GALNT13: variants seen among roughly 807,000 people sequenced by gnomAD.
GALNT13 encodes polypeptide N-acetylgalactosaminyltransferase 13, also known as UDP-GalNAc:polypeptide N-acetylgalactosaminyltransferase 13.
Under a neutral mutation model 64.2 loss-of-function variants are expected in GALNT13, and 28 were observed. The ratio of observed to expected loss-of-function variants is 0.44; its 90% confidence interval spans 0.32 to 0.60. GALNT13 has a LOEUF of 0.60. Ranked by LOEUF, GALNT13 falls within the 20% of genes least tolerant of loss-of-function variation. The probability of loss-of-function intolerance (pLI) is 0.05; values close to 1 mark genes in which losing one functional copy is unlikely to be tolerated. For synonymous variants in GALNT13, 214 were observed against 224.6 expected, an observed-to-expected ratio of 0.95 and a Z score of 0.42; for missense variants, 577 against 669.8, an observed-to-expected ratio of 0.86 and a Z score of 1.53.
intron 9 of GALNT13, among the ~76,000 whole-genome samples, chr2:154,358,424 C>G (rs1236731717): frequency 1.3e-5 from 2 of 152,016 alleles, no homozygotes. Flanking sequence ...ATTTATCAGT[C>G]TAAACCAACT....
chr2:153,808,089 C>G, the GALNT13 span, among the ~76,000 whole-genome samples: 3 of 151,864 alleles, frequency 2.0e-5, no homozygotes, highest in Non-Finnish European at 4.4e-5. Context: ...TAGCCCAAAG[C>G]GCTGTAGTTA....
At chr2:153,956,919 C>T (rs531212555) in intron 3 of GALNT13, among the ~76,000 whole-genome samples, 74 of 152,158 alleles carry the variant, frequency 4.9e-4, no homozygotes, top group African/African-American at 1.3e-3. Context: ...AGACTATCTC[C>T]GAGAACCAAG....
At chr2:153,464,543 TG>T in the GALNT13 span, among the ~76,000 whole-genome samples, 1 of 152,108 alleles carries the variant, frequency 6.6e-6, no homozygotes, top group Non-Finnish European at 1.5e-5. Context: ...CTCACAATGT[TG>T]TTCTTGGCAA....
At chr2:153,403,423 A>C in the GALNT13 span, among the ~76,000 whole-genome samples, 1 of 152,286 alleles carries the variant, frequency 6.6e-6, no homozygotes, top group East Asian at 1.9e-4. Flanking sequence ...CTACAGAGGC[A>C]GGCAGGCCTC....
intron 3 of GALNT13, among the ~76,000 whole-genome samples, chr2:153,992,979 TA>T (rs1392424179): frequency 2.0e-5 from 3 of 152,180 alleles, no homozygotes; most frequent in Non-Finnish European, 4.4e-5. Context: ...ATATTTACTT[TA>T]ATAGAAAATA....
chr2:154,177,329 A>G (rs570622108), intron 4 of GALNT13, among the ~76,000 whole-genome samples: 5 of 152,264 alleles, frequency 3.3e-5, no homozygotes, highest in Admixed American at 2.6e-4. Flanking sequence ...TTGAAACTCT[A>G]TGGTTTCAAC....
At chr2:154,072,629 T>A (rs1265385704) in intron 3 of GALNT13, among the ~76,000 whole-genome samples, 1 of 152,006 alleles carries the variant, frequency 6.6e-6, no homozygotes, top group Non-Finnish European at 1.5e-5. Flanking sequence ...TACAAAATGT[T>A]TTGAAAAACC....
At chr2:154,368,958 A>G (rs1697526315) in intron 9 of GALNT13, among the ~76,000 whole-genome samples, 2 of 151,406 alleles carry the variant, frequency 1.3e-5, no homozygotes, top group Admixed American at 1.3e-4. Flanking sequence ...TGTGTTCCGG[A>G]ATTGTAAAGT....
the GALNT13 span, among the ~76,000 whole-genome samples, chr2:153,562,478 G>T: frequency 6.6e-6 from 1 of 151,998 alleles, no homozygotes; most frequent in African/African-American, 2.4e-5. Context: ...TGTAATAGAC[G>T]TCTTTTGTCA....
At chr2:153,350,084 G>C in the GALNT13 span, among the ~76,000 whole-genome samples, 1 of 152,072 alleles carries the variant, frequency 6.6e-6, no homozygotes, top group African/African-American at 2.4e-5. Context: ...CTTCTTTGGT[G>C]ATTAGCTCAT....
intron 10 of GALNT13, among the ~76,000 whole-genome samples, chr2:154,400,481 C>A (rs186358267): frequency 6.6e-6 from 1 of 152,178 alleles, no homozygotes; most frequent in African/African-American, 2.4e-5. Context: ...TTATAACTTT[C>A]CTTGCTGTAT....
chr2:154,444,774 C>T (rs1208362449), intron 12 of GALNT13, among the ~76,000 whole-genome samples: 1 of 151,756 alleles, frequency 6.6e-6, no homozygotes, highest in Non-Finnish European at 1.5e-5. Context: ...CTCTGAAATA[C>T]AATATATTTT....
intron 11 of GALNT13, chr2:154,436,785 A>T (rs1468876810): frequency 6.6e-6 from 1 of 152,234 alleles, no homozygotes; most frequent in East Asian, 1.9e-4. Context: ...TTGTGAATTG[A>T]ATATATGAAG....
the GALNT13 span, among the ~76,000 whole-genome samples, chr2:153,853,913 A>G: frequency 6.6e-6 from 1 of 151,918 alleles, no homozygotes; most frequent in Admixed American, 6.6e-5. Context: ...GCATGAGGAA[A>G]TTTTGTGGGC....
the GALNT13 span, among the ~76,000 whole-genome samples, chr2:153,783,741 T>C: frequency 6.6e-6 from 1 of 152,290 alleles, no homozygotes; most frequent in African/African-American, 2.4e-5. Context: ...TGAGATCTGA[T>C]GGCTTTATAA....
At chr2:154,024,994 G>T (rs1388607624) in intron 3 of GALNT13, among the ~76,000 whole-genome samples, 1 of 152,182 alleles carries the variant, frequency 6.6e-6, no homozygotes, top group Non-Finnish European at 1.5e-5. Context: ...AGCAGCGGTG[G>T]CTGCAGAACA....
chr2:153,856,850 A>C, the GALNT13 span, among the ~76,000 whole-genome samples: 47 of 152,180 alleles, frequency 3.1e-4, no homozygotes, highest in Non-Finnish European at 5.4e-4. Context: ...AATAACCAAT[A>C]CTAGAAACAA....
chr2:153,792,966 C>A, the GALNT13 span, among the ~76,000 whole-genome samples: 1 of 138,758 alleles, frequency 7.2e-6, no homozygotes, highest in Non-Finnish European at 1.6e-5. Context: ...TCTTTTCTTT[C>A]TTTCTTTTTT....
At chr2:153,435,307 G>A in the GALNT13 span, among the ~76,000 whole-genome samples, 80 of 152,268 alleles carry the variant, frequency 5.3e-4, no homozygotes, top group Non-Finnish European at 1.0e-3. Context: ...ACTTGGCGAT[G>A]CAGGCTCTTT....
Sources: allele counts gnomAD v4.1 joint callset (sites outside exome capture counted in the v4.1 genomes callset), GRCh38; gene constraint gnomAD v4.1.1; transcripts MANE v1.5; gene names NCBI Gene and HGNC (gene_info 2026-07-23, HGNC 2026-07-21).